Variants in CAMK2D observed in about 807,000 individuals in gnomAD.
CAMK2D encodes the protein calcium/calmodulin dependent protein kinase II delta, also known as calcium/calmodulin-dependent protein kinase type II subunit delta.
Under a neutral mutation model 84.0 loss-of-function variants are expected in CAMK2D, and 37 were observed. That is an observed-to-expected ratio of 0.44 (90% confidence interval 0.34 to 0.58). The LOEUF is 0.58. Among genes scored for constraint, CAMK2D ranks in the 20% least tolerant of loss-of-function variants. The pLI is 0.02. For synonymous variants in CAMK2D, 202 were observed against 212.5 expected (o/e 0.95, Z 0.43); for missense variants, 448 against 652.5 (o/e 0.69, Z 3.41).
chr4:113,586,923 AG>A (rs1372752861), intron 4 of CAMK2D, among the ~76,000 whole-genome samples: 1 of 152,218 alleles, frequency 6.6e-6, no homozygotes, highest in Non-Finnish European at 1.5e-5. Flanking sequence ...ATAAAAAATA[AG>A]ACTTCAGAAA....
At chr4:113,481,630 C>T (rs1023354375) in intron 16 of CAMK2D, among the ~76,000 whole-genome samples, 1 of 152,114 alleles carries the variant, frequency 6.6e-6, no homozygotes, top group East Asian at 1.9e-4. Context: ...CAGGCATGCA[C>T]CACCACACCT....
chr4:113,547,102 T>TA (rs1479533649), intron 6 of CAMK2D, among the ~76,000 whole-genome samples: 2 of 152,122 alleles, frequency 1.3e-5, no homozygotes. Flanking sequence ...TATAAATAAA[T>TA]AAAAAACTAA....
At chr4:113,566,681 C>T (rs1272648187) in intron 4 of CAMK2D, among the ~76,000 whole-genome samples, 1 of 152,126 alleles carries the variant, frequency 6.6e-6, no homozygotes, top group African/African-American at 2.4e-5. Flanking sequence ...CTTTGTTCTG[C>T]TCCTCATTGA....
At chr4:113,638,363 A>G (rs1281026179) in intron 3 of CAMK2D, among the ~76,000 whole-genome samples, 1 of 152,136 alleles carries the variant, frequency 6.6e-6, no homozygotes, top group Non-Finnish European at 1.5e-5. Context: ...AAGAAAAATG[A>G]GATAGAGGTT....
chr4:113,659,113 G>A (rs1314255645), intron 3 of CAMK2D, among the ~76,000 whole-genome samples: 2 of 152,176 alleles, frequency 1.3e-5, no homozygotes, highest in African/African-American at 4.8e-5. Context: ...TAGCTTGGCA[G>A]TTTTTCGAGT....
intron 2 of CAMK2D, among the ~76,000 whole-genome samples, chr4:113,721,081 T>C (rs183565752): frequency 8.1e-4 from 123 of 152,234 alleles, no homozygotes; most frequent in Non-Finnish European, 1.1e-3. Flanking sequence ...TTACTCACTT[T>C]AACGCTACTT....
intron 2 of CAMK2D, among the ~76,000 whole-genome samples, chr4:113,670,554 A>C (rs1012652265): frequency 6.6e-6 from 1 of 152,098 alleles, no homozygotes; most frequent in Non-Finnish European, 1.5e-5. Flanking sequence ...CTCTACCCTC[A>C]GTCTACAATC....
rs74375137 is a variant in CAMK2D at position 113,607,316 on chromosome 4, G to T, written c.275+1836C>A. On this transcript the variant is annotated intron_variant, in intron 4 of 20. Coordinates refer to ENST00000511664, the MANE Select transcript of CAMK2D (RefSeq NM_001321571.2). ...ATGGATGAACTGGGACTGTGGAGAG[G>T]AGCCTGTGCAGTAGGATTGTGCAGA... Among the ~76,000 whole-genome samples, 968 of 152,274 alleles carry T rather than the reference G, an allele frequency of 6.4e-3. 14 individuals are homozygous for T. Among genetic ancestry groups the T allele is most frequent in the African/African-American group, 0.022 (902 of 41,536 alleles).
intron 2 of CAMK2D, among the ~76,000 whole-genome samples, chr4:113,669,723 G>A (rs537051545): frequency 1.4e-4 from 21 of 152,278 alleles, no homozygotes; most frequent in African/African-American, 5.1e-4. Context: ...CATGTTCCAA[G>A]ATATGAAACA....
intron 3 of CAMK2D, among the ~76,000 whole-genome samples, chr4:113,649,885 C>T (rs935633591): frequency 2.0e-5 from 3 of 151,988 alleles, no homozygotes; most frequent in African/African-American, 7.2e-5. Flanking sequence ...AGTTTGAGAC[C>T]AGCCTGGCCA....
intron 4 of CAMK2D, among the ~76,000 whole-genome samples, chr4:113,581,481 C>T (rs561243185): frequency 4.5e-4 from 65 of 143,252 alleles, no homozygotes; most frequent in African/African-American, 1.5e-3. Flanking sequence ...CCATTGCACT[C>T]CAGCCTGGCC....
At chr4:113,678,579 C>T (rs539994998) in intron 2 of CAMK2D, among the ~76,000 whole-genome samples, 56 of 151,788 alleles carry the variant, frequency 3.7e-4, no homozygotes, top group Non-Finnish European at 7.4e-4. Context: ...TTAGCATATC[C>T]ATCACCTCAA....
chr4:113,551,981 G>T, intron 5 of CAMK2D, 50 bp downstream of exon 5: 1 of 835,062 alleles, frequency 1.2e-6, no homozygotes, highest in Non-Finnish European at 2.0e-6. Flanking sequence ...TGCTGAAAAA[G>T]TATTATTTGA....
chr4:113,511,039 C>G (rs750036229), intron 12 of CAMK2D, among the ~76,000 whole-genome samples: 12 of 152,028 alleles, frequency 7.9e-5, no homozygotes, highest in Non-Finnish European at 1.8e-4. Context: ...GATGATGATT[C>G]AGGGTAAGCA....
chr4:113,588,757 T>C (rs1478474816), intron 4 of CAMK2D, among the ~76,000 whole-genome samples: 1 of 152,228 alleles, frequency 6.6e-6, no homozygotes, highest in Non-Finnish European at 1.5e-5. Flanking sequence ...TTATGTGCTC[T>C]AGACACTGGG....
chr4:113,584,023 G>C (rs1245374266), intron 4 of CAMK2D, among the ~76,000 whole-genome samples: 24 of 152,126 alleles, frequency 1.6e-4, no homozygotes, highest in Admixed American at 1.5e-3. Context: ...GGAGAAATCT[G>C]ATTCTTGCAT....
chr4:113,689,711 C>G (rs576694615), intron 2 of CAMK2D, among the ~76,000 whole-genome samples: 1 of 152,184 alleles, frequency 6.6e-6, no homozygotes, highest in Non-Finnish European at 1.5e-5. Flanking sequence ...AGCAGCCCCA[C>G]TATCATTTTA....
chr4:113,690,447 G>C (rs918743676), intron 2 of CAMK2D, among the ~76,000 whole-genome samples: 4 of 152,096 alleles, frequency 2.6e-5, no homozygotes, highest in Non-Finnish European at 5.9e-5. Context: ...TGGGCACAAA[G>C]GTCCCCCTGA....
At chr4:113,510,690 G>C (rs1235431377) in intron 12 of CAMK2D, among the ~76,000 whole-genome samples, 1 of 152,054 alleles carries the variant, frequency 6.6e-6, no homozygotes, top group Non-Finnish European at 1.5e-5. Context: ...ACTTATTTAA[G>C]TATATCAGAA....
Sources: gnomAD v4.1 joint callset for allele counts (sites outside exome capture counted in the v4.1 genomes callset) on GRCh38, gnomAD v4.1.1 for gene constraint, MANE v1.5 for transcripts, NCBI Gene and HGNC (gene_info 2026-07-23, HGNC 2026-07-21) for gene names.